DPP10: variants seen among roughly 807,000 people sequenced by gnomAD.
DPP10 encodes the protein inactive dipeptidyl peptidase 10.
In DPP10, 33 loss-of-function variants were observed where a neutral mutation model predicts 120.9. The observed-to-expected ratio is 0.27, with a 90% CI of 0.21 to 0.37. DPP10 has a LOEUF of 0.37. DPP10 is among the 10% of genes least tolerant of loss of function. DPP10 has a pLI of 1.00. For missense variants in DPP10, 816 were observed against 942.8 expected, an observed-to-expected ratio of 0.87 and a Z score of 1.76; for synonymous variants, 337 against 326.1, an observed-to-expected ratio of 1.03 and a Z score of -0.36.
chr2:114,988,997 T>TA (rs1432654370), intron 1 of DPP10, among the ~76,000 whole-genome samples: 1 of 152,188 alleles, frequency 6.6e-6, no homozygotes, highest in Non-Finnish European at 1.5e-5. Flanking sequence ...ACAGTATTTT[T>TA]ATCTAAAATT....
At chr2:114,892,644 C>T (rs13386422) in intron 1 of DPP10, among the ~76,000 whole-genome samples, 2 of 152,206 alleles carry the variant, frequency 1.3e-5, no homozygotes, top group African/African-American at 2.4e-5. Flanking sequence ...ATCAGGGAGT[C>T]AGTGGAACTG....
At chr2:114,461,458 A>T in intron 1 of DPP10, 1 of 453,218 alleles carries the variant, frequency 2.2e-6, no homozygotes, top group Non-Finnish European at 2.9e-6. Context: ...CGGTCTTTCA[A>T]GGTTGCCTTT....
At chr2:114,590,274 T>G (rs764182715) in intron 1 of DPP10, among the ~76,000 whole-genome samples, 122 of 152,266 alleles carry the variant, frequency 8.0e-4, no homozygotes, top group Non-Finnish European at 1.4e-3. Context: ...AATTGAGGAA[T>G]GAGTGTAGTC....
intron 5 of DPP10, among the ~76,000 whole-genome samples, chr2:115,587,933 T>G (rs2082394837): frequency 6.6e-6 from 1 of 152,190 alleles, no homozygotes; most frequent in African/African-American, 2.4e-5. Flanking sequence ...AAGATCCAAG[T>G]AACAATTATT....
chr2:115,263,779 A>T (rs918508498), intron 1 of DPP10, among the ~76,000 whole-genome samples: 12 of 152,276 alleles, frequency 7.9e-5, no homozygotes, highest in African/African-American at 9.6e-5. Flanking sequence ...TTTATTTTCA[A>T]TTGCCTTCCT....
At chr2:114,469,480 CA>C (rs1273263838) in intron 1 of DPP10, among the ~76,000 whole-genome samples, 2 of 151,978 alleles carry the variant, frequency 1.3e-5, no homozygotes, top group Admixed American at 6.6e-5. Flanking sequence ...CCTGTAATCC[CA>C]GCATTTTGGG....
At chr2:115,816,807 G>A (rs1267049791) in intron 21 of DPP10, among the ~76,000 whole-genome samples, 5 of 149,738 alleles carry the variant, frequency 3.3e-5, no homozygotes, top group East Asian at 4.0e-4. Flanking sequence ...TAGTAGAGAC[G>A]GGGTTTCACC....
intron 1 of DPP10, among the ~76,000 whole-genome samples, chr2:115,019,068 A>G (rs1187467745): frequency 7.3e-6 from 1 of 137,454 alleles, no homozygotes; most frequent in Non-Finnish European, 1.6e-5. Flanking sequence ...CTCCCCCACC[A>G]TTCTCGCACC....
intron 1 of DPP10, among the ~76,000 whole-genome samples, chr2:114,786,785 G>C (rs1253294543): frequency 1.3e-5 from 2 of 152,164 alleles, no homozygotes; most frequent in African/African-American, 2.4e-5. Flanking sequence ...AAAGCAGTGT[G>C]GTGTTCTGGT....
intron 1 of DPP10, among the ~76,000 whole-genome samples, chr2:115,218,116 G>C (rs1245572019): frequency 7.2e-5 from 11 of 152,230 alleles, no homozygotes; most frequent in East Asian, 5.8e-4. Flanking sequence ...GTGTTAAGCT[G>C]AACTGAATAT....
chr2:114,983,949 C>T (rs1700243236), intron 1 of DPP10, among the ~76,000 whole-genome samples: 1 of 152,210 alleles, frequency 6.6e-6, no homozygotes, highest in African/African-American at 2.4e-5. Context: ...CATGCTTTGA[C>T]TTAACCACTC....
intron 1 of DPP10, among the ~76,000 whole-genome samples, chr2:114,671,326 A>T (rs1383946895): frequency 2.0e-5 from 3 of 152,136 alleles, no homozygotes; most frequent in Non-Finnish European, 4.4e-5. Context: ...GTTAAGTGTC[A>T]TGTGACTCTA....
intron 1 of DPP10, among the ~76,000 whole-genome samples, chr2:114,734,603 C>T (rs184214558): frequency 6.6e-6 from 1 of 152,174 alleles, no homozygotes; most frequent in Non-Finnish European, 1.5e-5. Context: ...TCTTAGGACT[C>T]CCCTAGGGCT....
At chr2:114,971,383 A>T (rs1699383995) in intron 1 of DPP10, among the ~76,000 whole-genome samples, 1 of 152,152 alleles carries the variant, frequency 6.6e-6, no homozygotes, top group Non-Finnish European at 1.5e-5. Context: ...GTTCCCCAGA[A>T]AAGGGTTTTT....
At chr2:114,667,058 A>T (rs1697978879) in intron 1 of DPP10, among the ~76,000 whole-genome samples, 1 of 152,202 alleles carries the variant, frequency 6.6e-6, no homozygotes, top group African/African-American at 2.4e-5. Flanking sequence ...GTAGCGTGAG[A>T]GTAGCCATAG....
At chr2:115,003,176 T>TAAAAAAAAA (rs140794959) in intron 1 of DPP10, among the ~76,000 whole-genome samples, 2 of 134,386 alleles carry the variant, frequency 1.5e-5, no homozygotes, top group Non-Finnish European at 1.6e-5. Context: ...TATGTAGCTA[T>TAAAAAAAAA]AAAAAAAAAA....
At chr2:115,233,012 G>A (rs1425927914) in intron 1 of DPP10, among the ~76,000 whole-genome samples, 1 of 129,606 alleles carries the variant, frequency 7.7e-6, no homozygotes, top group African/African-American at 3.0e-5. Flanking sequence ...TAAACTCCTA[G>A]CAACTTTATC....
intron 1 of DPP10, among the ~76,000 whole-genome samples, chr2:115,075,936 A>C (rs192515715): frequency 1.8e-3 from 274 of 152,240 alleles, no homozygotes; most frequent in African/African-American, 6.3e-3. Context: ...GAATGTGGGA[A>C]GCAATTAAGG....
At chr2:115,220,931 T>C (rs990154851) in intron 1 of DPP10, among the ~76,000 whole-genome samples, 3 of 122,004 alleles carry the variant, frequency 2.5e-5, no homozygotes, top group African/African-American at 8.8e-5. Context: ...TCATATATAA[T>C]ATTTATATGT....
Sources: allele counts gnomAD v4.1 joint callset (sites outside exome capture counted in the v4.1 genomes callset), GRCh38; gene constraint gnomAD v4.1.1; transcripts MANE v1.5; gene names NCBI Gene and HGNC (gene_info 2026-07-23, HGNC 2026-07-21).